Variants in SERINC5 observed in about 807,000 individuals in gnomAD.
SERINC5 encodes the protein chromosome 5 open reading frame 12.
A neutral mutation model predicts 63.1 loss-of-function variants in SERINC5; 41 were observed. The observed-to-expected ratio is 0.65, with a 90% CI of 0.51 to 0.84. The LOEUF is 0.84. SERINC5 is among the 40% of genes least tolerant of loss of function. SERINC5 has a pLI of 0.00. For missense variants in SERINC5, 523 were observed against 573.0 expected, an observed-to-expected ratio of 0.91 and a Z score of 0.89; for synonymous variants, 222 against 215.2, an observed-to-expected ratio of 1.03 and a Z score of -0.28.
chr5:80,227,311 C>T (rs1363359950), intron 1 of SERINC5, among the ~76,000 whole-genome samples: 4 of 152,050 alleles, frequency 2.6e-5, no homozygotes, highest in Non-Finnish European at 5.9e-5. Flanking sequence ...AAAGGAAAAA[C>T]GAATTCCATT....
At chr5:80,132,267 G>A (rs563685821) in intron 11 of SERINC5, among the ~76,000 whole-genome samples, 13 of 152,180 alleles carry the variant, frequency 8.5e-5, no homozygotes, top group Non-Finnish European at 1.8e-4. Context: ...GAGTAGGCAC[G>A]AGACCCCACA....
chr5:80,158,629 CCATAT>C (rs1305723932), intron 8 of SERINC5: 2 of 534,054 alleles, frequency 3.7e-6, no homozygotes, highest in Non-Finnish European at 6.6e-6. Context: ...TATTTACATA[CCATAT>C]ATTTGCTTTA....
At chr5:80,243,236 C>T (rs1752025444) in intron 1 of SERINC5, among the ~76,000 whole-genome samples, 1 of 152,152 alleles carries the variant, frequency 6.6e-6, no homozygotes, top group South Asian at 2.1e-4. Context: ...AAATCTTCTT[C>T]TTTTTAAAAT....
intron 1 of SERINC5, among the ~76,000 whole-genome samples, chr5:80,205,629 C>A (rs1240136636): frequency 1.3e-5 from 2 of 152,200 alleles, no homozygotes; most frequent in Non-Finnish European, 2.9e-5. Flanking sequence ...TAACAGCATA[C>A]ACATCTTTTC....
At chr5:80,169,813 A>G (rs1747534701) in intron 5 of SERINC5, among the ~76,000 whole-genome samples, 1 of 152,204 alleles carries the variant, frequency 6.6e-6, no homozygotes, top group Admixed American at 6.5e-5. Context: ...CGACAAATGT[A>G]TTCATTCATT....
At chr5:80,182,816 G>A (rs1748539348) in intron 2 of SERINC5, among the ~76,000 whole-genome samples, 1 of 152,106 alleles carries the variant, frequency 6.6e-6, no homozygotes, top group Admixed American at 6.6e-5. Context: ...AAAGTTCTGG[G>A]ATTACAGGCG....
rs925933894 is a variant in SERINC5, at chr5:80,142,038, C to G, written c.*1625G>C. 63 of 985,284 alleles carry G rather than the reference C, an allele frequency of 6.4e-5. No homozygotes were observed. In the African/African-American group the frequency reaches 1.0e-3, roughly 16 times the overall value. 61.0% of individuals were successfully genotyped at this position (985,284 alleles called of 1,614,324 possible). A position where few individuals can be genotyped will look rare whatever the true frequency, so the allele number is the denominator to read the frequency against. On this transcript the variant is annotated 3_prime_UTR_variant, in exon 12 of 12. Coordinates refer to ENST00000507668, the MANE Select transcript of SERINC5 (RefSeq NM_001174072.3). ...ACAGAAGCCCAGCTTAGGTGGCACT[C>G]AATTCTGCCCAACTCATACAGTAGG...
intron 1 of SERINC5, among the ~76,000 whole-genome samples, chr5:80,221,795 A>C (rs1345182034): frequency 6.6e-6 from 1 of 151,274 alleles, no homozygotes; most frequent in Admixed American, 6.6e-5. Flanking sequence ...ACTTTAGCAA[A>C]AAAAAAAAAA....
chr5:80,155,695 A>C (rs1374458226), intron 8 of SERINC5, among the ~76,000 whole-genome samples: 2 of 152,068 alleles, frequency 1.3e-5, no homozygotes, highest in African/African-American at 4.8e-5. Context: ...CCTTAAGGAC[A>C]GTTTACCCAG....
At chr5:80,216,602 G>GT (rs1561433361) in intron 1 of SERINC5, among the ~76,000 whole-genome samples, 1 of 152,208 alleles carries the variant, frequency 6.6e-6, no homozygotes, top group African/African-American at 2.4e-5. Context: ...GGTGAGTTAA[G>GT]TAAGTTCTAT....
chr5:80,238,166 C>T (rs761213138), intron 1 of SERINC5, among the ~76,000 whole-genome samples: 155 of 151,156 alleles, frequency 1.0e-3, no homozygotes, highest in Non-Finnish European at 2.1e-3. Flanking sequence ...AACCCTCATT[C>T]CTCCCCGCCC....
intron 1 of SERINC5, among the ~76,000 whole-genome samples, chr5:80,252,577 C>G (rs1296868102): frequency 1.3e-5 from 2 of 152,172 alleles, no homozygotes; most frequent in African/African-American, 4.8e-5. Context: ...AAGTGAATAT[C>G]AGAGTAGATA....
rs1330182089 is a variant in SERINC5, at chr5:80,158,017, G to C, written c.986+819C>G. On this transcript the variant is annotated intron_variant, in intron 8 of 11. Transcript: ENST00000507668. ...AGTATTTCGTTTCAGCAAAAAGGAA[G>C]TTTACAATGTGCCTATGGCTGAATT... 2.6e-5 allele frequency: 4 copies of C among 152,274 alleles called. No individual in the cohort carries two copies. The East Asian group carries it at 7.7e-4, about 29-fold the overall frequency. The allele number at this position is 152,274 out of a possible 1,614,324, so 9.4% of individuals were successfully genotyped here.
At chr5:80,172,053 A>T (rs1464510584) in intron 5 of SERINC5, among the ~76,000 whole-genome samples, 3 of 152,210 alleles carry the variant, frequency 2.0e-5, no homozygotes, top group Non-Finnish European at 4.4e-5. Context: ...AAAATAAATT[A>T]GGGCATGGTG....
chr5:80,135,519 AACT>A (rs1351605376), downstream of SERINC5, among the ~76,000 whole-genome samples: 1 of 152,198 alleles, frequency 6.6e-6, no homozygotes, highest in Non-Finnish European at 1.5e-5. Flanking sequence ...GGAAAAAGAT[AACT>A]ACAATAGAGA....
chr5:80,129,759 C>G (rs951865685), intron 11 of SERINC5, among the ~76,000 whole-genome samples: 5 of 152,126 alleles, frequency 3.3e-5, no homozygotes, highest in African/African-American at 4.8e-5. Flanking sequence ...CTTTTATGAA[C>G]TCTATTTGAG....
Position 80,141,981 on chromosome 5 carries a change from T to TAG in SERINC5, c.*1681_*1682insCT. Reference sequence around the variant, plus strand: ...GGGCAAAGGAATGAATAGAAAGAATTTCACTAATTTCACCCACCAGCATTT... The same window carrying TAG: ...GGGCAAAGGAATGAATAGAAAGAATTAGTCACTAATTTCACCCACCAGCATTT... On this transcript the variant is annotated 3_prime_UTR_variant, in exon 12 of 12. Transcript: ENST00000507668. 1 of 985,256 alleles carries TAG rather than the reference T, an allele frequency of 1.0e-6. No homozygotes were observed. 61.0% of individuals were successfully genotyped at this position (985,256 alleles called of 1,614,324 possible). A position where few individuals can be genotyped will look rare whatever the true frequency, so the allele number is the denominator to read the frequency against.
chr5:80,210,302 T>C (rs1008550509), intron 1 of SERINC5, among the ~76,000 whole-genome samples: 1 of 152,184 alleles, frequency 6.6e-6, no homozygotes, highest in East Asian at 1.9e-4. Context: ...AAGGATAAGC[T>C]GACTCTTGCT....
chr5:80,156,466 C>T (rs571913604), intron 8 of SERINC5, among the ~76,000 whole-genome samples: 8 of 152,268 alleles, frequency 5.3e-5, no homozygotes, highest in South Asian at 2.1e-4. Context: ...ATCACATGGA[C>T]CCCGGGGGAA....
Sources: allele counts gnomAD v4.1 joint callset (sites outside exome capture counted in the v4.1 genomes callset), GRCh38; gene constraint gnomAD v4.1.1; transcripts MANE v1.5; gene names NCBI Gene and HGNC (gene_info 2026-07-23, HGNC 2026-07-21).